The following VEZT variants were observed in gnomAD, a reference collection of about 807,000 sequenced individuals.
The protein encoded by VEZT is vezatin.
VEZT carries 39 observed loss-of-function variants against 79.9 expected under a neutral mutation model. The observed-to-expected ratio is 0.49, with a 90% CI of 0.38 to 0.64. The LOEUF (loss-of-function observed/expected upper bound fraction) is 0.64. Ranked by LOEUF, VEZT falls within the 30% of genes least tolerant of loss-of-function variation. The pLI, the probability that VEZT is intolerant of heterozygous loss-of-function variation, is 0.00. For missense variants in VEZT, 837 were observed against 893.1 expected (o/e 0.94, Z 0.80); for synonymous variants, 325 against 327.6 (o/e 0.99, Z 0.09).
intron 1 of VEZT, among the ~76,000 whole-genome samples, chr12:95,250,466 C>T (rs2062405351): frequency 6.6e-6 from 1 of 151,622 alleles, no homozygotes; most frequent in Admixed American, 6.6e-5. Flanking sequence ...TCATGCCCGG[C>T]TGATTTTTAT....
intron 1 of VEZT, among the ~76,000 whole-genome samples, chr12:95,248,215 C>A (rs2061978773): frequency 6.6e-6 from 1 of 152,014 alleles, no homozygotes; most frequent in Non-Finnish European, 1.5e-5. Flanking sequence ...GTGAAACCAG[C>A]CAAAAAGTTA....
chr12:95,250,652 A>C (rs2062436753), intron 1 of VEZT, among the ~76,000 whole-genome samples: 1 of 152,134 alleles, frequency 6.6e-6, no homozygotes, highest in Non-Finnish European at 1.5e-5. Flanking sequence ...GAGAAGGTTG[A>C]AAGTTAAAAT....
intron 2 of VEZT, 70 bp from the exon 3 acceptor site, chr12:95,257,080 T>C (rs1220019512): frequency 8.1e-7 from 1 of 1,234,180 alleles, no homozygotes; most frequent in African/African-American, 1.5e-5. Flanking sequence ...TGGAGGTAAG[T>C]ACTTTGAAGT....
At chr12:95,273,156 G>C (rs967616773) in intron 6 of VEZT, among the ~76,000 whole-genome samples, 8 of 152,188 alleles carry the variant, frequency 5.3e-5, no homozygotes, top group South Asian at 4.2e-4. Flanking sequence ...TTTATATGTA[G>C]ACAATGCAAA....
At chr12:95,261,055 A>G (rs1202002777) in intron 3 of VEZT, among the ~76,000 whole-genome samples, 1 of 151,378 alleles carries the variant, frequency 6.6e-6, no homozygotes, top group Non-Finnish European at 1.5e-5. Flanking sequence ...TCAACATTCC[A>G]TTGAGAAGAT....
intron 9 of VEZT, among the ~76,000 whole-genome samples, chr12:95,292,344 A>G (rs932914478): frequency 6.6e-6 from 1 of 152,108 alleles, no homozygotes; most frequent in South Asian, 2.1e-4. Context: ...TAATAGTCTT[A>G]TGGATTTATT....
At chr12:95,235,710 G>C (rs956153558) in intron 1 of VEZT, among the ~76,000 whole-genome samples, 2 of 150,756 alleles carry the variant, frequency 1.3e-5, no homozygotes, top group South Asian at 2.1e-4. Context: ...CTGGCCGGGC[G>C]GGGGGCTGAC....
intron 9 of VEZT, among the ~76,000 whole-genome samples, chr12:95,291,009 A>C (rs1423912703): frequency 6.6e-6 from 1 of 152,136 alleles, no homozygotes; most frequent in Non-Finnish European, 1.5e-5. Flanking sequence ...TCATGCCTAT[A>C]ATCTCAGCAC....
At chr12:95,234,651 GTTT>G (rs1207380015) in intron 1 of VEZT, among the ~76,000 whole-genome samples, 1 of 151,264 alleles carries the variant, frequency 6.6e-6, no homozygotes, top group Non-Finnish European at 1.5e-5. Context: ...AAGTAGTTTT[GTTT>G]TTTTTGTTTT....
At chr12:95,274,712 G>C (rs1415205219) in intron 6 of VEZT, 30 bp from the exon 7 acceptor site, 13 of 1,592,296 alleles carry the variant, frequency 8.2e-6, no homozygotes, top group Non-Finnish European at 1.0e-5. Flanking sequence ...TCATGAAAAG[G>C]CTTTGTTGAT....
intron 1 of VEZT, among the ~76,000 whole-genome samples, chr12:95,251,050 G>A (rs532980788): frequency 3.9e-5 from 6 of 151,970 alleles, no homozygotes; most frequent in South Asian, 2.1e-4. Flanking sequence ...TGCTCTTGTC[G>A]CCCAGGCTGG....
Position 95,266,407 on chromosome 12 carries a change from C to T in VEZT, c.485C>T (p.Thr162Ile). The T allele has an allele frequency of 6.2e-7, 1 of 1,613,866 alleles. No individual in the cohort carries two copies. Among genetic ancestry groups the T allele is most frequent in the Non-Finnish European group, 8.5e-7 (1 of 1,179,834 alleles). ...AFISLLVMLPTWWIVSSWLVW... is the reference protein window; with the variant it reads ...AFISLLVMLPIWWIVSSWLVW... ...ATTAGCTTGCTCGTTATGCTTCCCA[C>T]TTGGTGGATTGTGTCTTCCTGGCTG... Residue 162 changes from threonine (T) to isoleucine (I), a missense_variant, in exon 5 of 12, where the codon ACT (threonine) becomes ATT (isoleucine). Thr to Ile is a moderately conservative substitution (Grantham distance 89). Transcript: ENST00000436874.
chr12:95,255,552 C>G (rs2063329973), intron 2 of VEZT, among the ~76,000 whole-genome samples: 1 of 152,184 alleles, frequency 6.6e-6, no homozygotes, highest in Admixed American at 6.5e-5. Flanking sequence ...CTGCCTCAGC[C>G]TCCTGAGTAG....
chr12:95,256,676 C>G, intron 2 of VEZT: 1 of 1,002,044 alleles, frequency 1.0e-6, no homozygotes, highest in Non-Finnish European at 1.4e-6. Flanking sequence ...CAATATATGA[C>G]AGTTTTTCTA....
chr12:95,295,145 T>C (rs1027722758), intron 10 of VEZT, among the ~76,000 whole-genome samples: 1 of 152,148 alleles, frequency 6.6e-6, no homozygotes, highest in Non-Finnish European at 1.5e-5. Flanking sequence ...CCTGCCAGAA[T>C]AGATTTTCCA....
At chr12:95,249,833 G>T (rs754728229) in intron 1 of VEZT, among the ~76,000 whole-genome samples, 1 of 152,024 alleles carries the variant, frequency 6.6e-6, no homozygotes, top group Non-Finnish European at 1.5e-5. Flanking sequence ...CTTATTTTAG[G>T]TAATAGAGTA....
intron 5 of VEZT, among the ~76,000 whole-genome samples, chr12:95,268,708 C>T (rs1410572422): frequency 1.3e-5 from 2 of 152,118 alleles, no homozygotes; most frequent in African/African-American, 4.8e-5. Flanking sequence ...TGACTTCTAC[C>T]CATTCAGATG....
intron 4 of VEZT, among the ~76,000 whole-genome samples, chr12:95,265,470 T>C (rs1029196060): frequency 2.0e-5 from 3 of 149,996 alleles, no homozygotes; most frequent in Non-Finnish European, 4.4e-5. Flanking sequence ...CAAATAAAGT[T>C]TGATTTTAGG....
intron 8 of VEZT, among the ~76,000 whole-genome samples, chr12:95,283,023 C>T (rs1157092197): frequency 1.3e-5 from 2 of 152,054 alleles, no homozygotes; most frequent in African/African-American, 4.8e-5. Context: ...TCTACCAGTA[C>T]TGGAACAGTA....
Sources: allele counts gnomAD v4.1 joint callset (sites outside exome capture counted in the v4.1 genomes callset), GRCh38; gene constraint gnomAD v4.1.1; transcripts MANE v1.5; gene names NCBI Gene and HGNC (gene_info 2026-07-23, HGNC 2026-07-21).